OPHN1: variants seen among roughly 807,000 people sequenced by gnomAD.
OPHN1 encodes the protein oligophrenin 1.
In OPHN1, 11 loss-of-function variants were observed where a neutral mutation model predicts 60.7. The ratio of observed to expected loss-of-function variants is 0.18; its 90% CI spans 0.11 to 0.30. The LOEUF is 0.30. Among genes scored for constraint, OPHN1 ranks in the 10% least tolerant of loss-of-function variants. The probability of loss-of-function intolerance (pLI) is 1.00; values close to 1 mark genes in which losing one functional copy is unlikely to be tolerated. For synonymous variants in OPHN1, 226 were observed against 222.6 expected (o/e 1.02, Z -0.14); for missense variants, 449 against 611.0 (o/e 0.73, Z 2.80).
chrX:68,254,885 G>A (rs907872709), intron 5 of OPHN1, among the ~76,000 whole-genome samples: 3 of 109,313 alleles, frequency 2.7e-5, no homozygotes, highest in African/African-American at 1.0e-4. Context: ...AGGCGTGGTG[G>A]CATGTGCCTG....
intron 15 of OPHN1, among the ~76,000 whole-genome samples, chrX:68,180,256 G>A (rs1009423630): frequency 9.0e-6 from 1 of 111,434 alleles, no homozygotes; most frequent in Non-Finnish European, 1.9e-5. Context: ...TTAGAATAAA[G>A]GCCACCAAGT....
At chrX:68,428,740 C>A (rs1045298625) in intron 2 of OPHN1, among the ~76,000 whole-genome samples, 2 of 112,097 alleles carry the variant, frequency 1.8e-5, no homozygotes, top group Admixed American at 1.9e-4. Flanking sequence ...CAGGGCTTAG[C>A]AAATATTCAA....
At chrX:68,348,546 A>C (rs1047377616) in intron 2 of OPHN1, among the ~76,000 whole-genome samples, 2 of 111,300 alleles carry the variant, frequency 1.8e-5, no homozygotes, top group African/African-American at 6.6e-5. Context: ...CAAAAAAAAA[A>C]AGTGGTTGTT....
chrX:68,329,715 T>C (rs188044662), intron 2 of OPHN1, among the ~76,000 whole-genome samples: 231 of 112,255 alleles, frequency 2.1e-3, no homozygotes, highest in Non-Finnish European at 1.1e-3. Flanking sequence ...AATATACCTC[T>C]ATCTCCTTGT....
intron 2 of OPHN1, among the ~76,000 whole-genome samples, chrX:68,350,926 T>A (rs1244113170): frequency 9.0e-6 from 1 of 111,028 alleles, no homozygotes; most frequent in Admixed American, 9.6e-5. Flanking sequence ...TTTCTGAAAC[T>A]GTTTTTTGTT....
intron 2 of OPHN1, among the ~76,000 whole-genome samples, chrX:68,377,338 C>T (rs928287572): frequency 5.5e-5 from 6 of 109,303 alleles, no homozygotes; most frequent in Non-Finnish European, 9.5e-5. Flanking sequence ...CCTCGTGATC[C>T]GCCCACCTCA....
At chrX:68,083,720 G>T (rs2076984162) in intron 19 of OPHN1, among the ~76,000 whole-genome samples, 1 of 112,114 alleles carries the variant, frequency 8.9e-6, no homozygotes, top group Non-Finnish European at 1.9e-5. Context: ...TAGCTTTTGA[G>T]TTAACATGAG....
At chrX:68,273,777 C>T (rs1207638629) in intron 5 of OPHN1, among the ~76,000 whole-genome samples, 1 of 112,130 alleles carries the variant, frequency 8.9e-6, no homozygotes, top group Non-Finnish European at 1.9e-5. Context: ...GCCACTATCA[C>T]TTACTAACCA....
chrX:68,273,354 T>C (rs2077978325), intron 5 of OPHN1, among the ~76,000 whole-genome samples: 1 of 111,979 alleles, frequency 8.9e-6, no homozygotes, highest in Admixed American at 9.5e-5. Flanking sequence ...GAAACTACCT[T>C]TGCTACATGG....
chrX:68,402,526 G>A (rs1267532010), intron 2 of OPHN1, among the ~76,000 whole-genome samples: 1 of 111,677 alleles, frequency 9.0e-6, no homozygotes, highest in Non-Finnish European at 1.9e-5. Flanking sequence ...TGCTTAGCCG[G>A]ATTTTGACTC....
chrX:68,430,536 A>G (rs1211454631), intron 2 of OPHN1, among the ~76,000 whole-genome samples: 3 of 111,457 alleles, frequency 2.7e-5, no homozygotes, highest in African/African-American at 9.8e-5. Flanking sequence ...GAAAAGAAGG[A>G]AAGAGGCCAG....
At chrX:68,138,437 A>G (rs1370642504) in intron 15 of OPHN1, among the ~76,000 whole-genome samples, 1 of 112,122 alleles carries the variant, frequency 8.9e-6, no homozygotes, top group Non-Finnish European at 1.9e-5. Flanking sequence ...TATGAAAAAC[A>G]TAAAAGAGCT....
chrX:68,389,568 A>AAAATAAATAAATAAAT (rs200288420), intron 2 of OPHN1, among the ~76,000 whole-genome samples: 6 of 76,862 alleles, frequency 7.8e-5, no homozygotes, highest in African/African-American at 2.4e-4. Flanking sequence ...CTCCCTCTCA[A>AAAATAAATAAATAAAT]AAATAAATAA....
chrX:68,206,184 G>A lies in OPHN1; in HGVS notation c.933+389C>T, dbSNP rs73212869. On this transcript the variant is annotated intron_variant, in intron 10 of 24. Coordinates refer to ENST00000355520, the MANE Select transcript of OPHN1 (RefSeq NM_002547.3). ...TGAGTATCGGTTATTCCAACTGTGG[G>A]CCATAAACACACTCCTGTAAAAAAG... Among the ~76,000 whole-genome samples the A allele has an allele frequency of 6.6e-3, 740 of 111,342 alleles. 2 individuals are homozygous for A. The highest frequency in any genetic ancestry group is 9.6e-3 in the Non-Finnish European group (509 of 53,076).
chrX:68,155,301 C>G (rs993263213), intron 15 of OPHN1, among the ~76,000 whole-genome samples: 1 of 111,619 alleles, frequency 9.0e-6, no homozygotes, highest in Non-Finnish European at 1.9e-5. Flanking sequence ...TGATAGTAAC[C>G]TGTATACTCA....
intron 21 of OPHN1, among the ~76,000 whole-genome samples, chrX:68,055,351 A>C (rs2076868422): frequency 8.9e-6 from 1 of 112,520 alleles, no homozygotes; most frequent in Non-Finnish European, 1.9e-5. Flanking sequence ...CACATTAAAA[A>C]ATGTTCATCA....
At chrX:68,295,307 T>A (rs1393354995) in intron 3 of OPHN1, among the ~76,000 whole-genome samples, 1 of 112,410 alleles carries the variant, frequency 8.9e-6, no homozygotes, top group South Asian at 3.7e-4. Context: ...TTACCTTCTA[T>A]AGTGTTCCTA....
At chrX:68,244,530 G>C (rs1159917257) in intron 5 of OPHN1, among the ~76,000 whole-genome samples, 1 of 111,790 alleles carries the variant, frequency 8.9e-6, no homozygotes, top group Admixed American at 9.5e-5. Flanking sequence ...ATTAACATCT[G>C]TTTAGTGAAT....
intron 15 of OPHN1, among the ~76,000 whole-genome samples, chrX:68,154,102 T>C (rs1302597493): frequency 8.9e-6 from 1 of 111,994 alleles, no homozygotes; most frequent in African/African-American, 3.2e-5. Flanking sequence ...ATCATGAAAA[T>C]AATAGCAGCT....
Sources: gnomAD v4.1 joint callset for allele counts (sites outside exome capture counted in the v4.1 genomes callset) on GRCh38, gnomAD v4.1.1 for gene constraint, MANE v1.5 for transcripts, NCBI Gene and HGNC (gene_info 2026-07-23, HGNC 2026-07-21) for gene names.